NRF1: variants seen among roughly 807,000 people sequenced by gnomAD.
NRF1 encodes alpha palindromic-binding protein.
In NRF1, 5 loss-of-function variants were observed where a neutral mutation model predicts 58.5. That is an observed-to-expected ratio of 0.09 (90% CI 0.04 to 0.18). The LOEUF (loss-of-function observed/expected upper bound fraction) is 0.18. Among genes scored for constraint, NRF1 ranks in the 10% least tolerant of loss-of-function variants. The probability of loss-of-function intolerance (pLI) is 1.00; values close to 1 mark genes in which losing one functional copy is unlikely to be tolerated. For missense variants in NRF1, 288 were observed against 657.7 expected, an observed-to-expected ratio of 0.44 and a Z score of 6.15; for synonymous variants, 224 against 246.7, an observed-to-expected ratio of 0.91 and a Z score of 0.86.
At chr7:129,659,902 T>G (rs958689263) in intron 2 of NRF1, among the ~76,000 whole-genome samples, 2 of 152,124 alleles carry the variant, frequency 1.3e-5, no homozygotes, top group Non-Finnish European at 2.9e-5. Flanking sequence ...AGACAGAAGA[T>G]TTTCTTCTTT....
chr7:129,697,405 C>T lies in NRF1; in HGVS notation c.606+6859C>T, dbSNP rs556535535. On this transcript the variant is annotated intron_variant, in intron 5 of 10. Transcript: ENST00000393232. ...AAAAATTTAAAAAAAAAAATCAGCC[C>T]GGTGTGCTGGCACATGCCTGTAGTC... 1.5e-4 allele frequency among the ~76,000 whole-genome samples: 23 copies of T among 151,798 alleles called. No individual in the cohort carries two copies. In the South Asian group the frequency reaches 1.7e-3, roughly 11 times the overall value.
At chr7:129,635,520 A>G (rs549298380) in intron 1 of NRF1, among the ~76,000 whole-genome samples, 1 of 152,312 alleles carries the variant, frequency 6.6e-6, no homozygotes, top group East Asian at 1.9e-4. Context: ...CTGCAGCAGA[A>G]TATCAATAGA....
At chr7:129,675,675 T>C (rs1231476084) in intron 3 of NRF1, among the ~76,000 whole-genome samples, 2 of 152,198 alleles carry the variant, frequency 1.3e-5, no homozygotes, top group East Asian at 1.9e-4. Flanking sequence ...AATTTTTTTT[T>C]CTGAGCAGTG....
intron 5 of NRF1, among the ~76,000 whole-genome samples, chr7:129,706,631 TAAGTG>T (rs1244684385): frequency 6.6e-6 from 1 of 152,174 alleles, no homozygotes; most frequent in African/African-American, 2.4e-5. Flanking sequence ...GGTAGGAGTT[TAAGTG>T]AAGAGGCTGA....
intron 2 of NRF1, among the ~76,000 whole-genome samples, chr7:129,661,633 C>T (rs1013092850): frequency 2.0e-5 from 3 of 150,958 alleles, no homozygotes; most frequent in African/African-American, 5.0e-5. Context: ...CTTATTTCCA[C>T]CTGAGACCAC....
At chr7:129,613,193 C>T (rs912040098) in intron 1 of NRF1, among the ~76,000 whole-genome samples, 2 of 152,150 alleles carry the variant, frequency 1.3e-5, no homozygotes, top group Non-Finnish European at 2.9e-5. Flanking sequence ...ATCCTTTTTC[C>T]CATTCCATCT....
At chr7:129,701,052 T>C (rs1463497945) in intron 5 of NRF1, among the ~76,000 whole-genome samples, 1 of 152,204 alleles carries the variant, frequency 6.6e-6, no homozygotes, top group Non-Finnish European at 1.5e-5. Context: ...AAAATAGCCA[T>C]ATAAATTACT....
intron 1 of NRF1, among the ~76,000 whole-genome samples, chr7:129,643,019 A>G (rs943678136): frequency 6.6e-6 from 1 of 152,160 alleles, no homozygotes; most frequent in Non-Finnish European, 1.5e-5. Context: ...TAGAATTGCC[A>G]GTCATAGGTT....
intron 1 of NRF1, among the ~76,000 whole-genome samples, chr7:129,635,724 C>T (rs1213886432): frequency 6.6e-6 from 1 of 152,160 alleles, no homozygotes; most frequent in African/African-American, 2.4e-5. Flanking sequence ...GCCCACGTCT[C>T]CAGTGCCCCC....
chr7:129,743,728 A>T (rs1011710989), intron 10 of NRF1, among the ~76,000 whole-genome samples: 1 of 152,228 alleles, frequency 6.6e-6, no homozygotes, highest in Non-Finnish European at 1.5e-5. Context: ...TCTGTCACGC[A>T]GATTACTCGT....
intron 1 of NRF1, among the ~76,000 whole-genome samples, chr7:129,622,508 T>C (rs1458594673): frequency 6.6e-6 from 1 of 152,078 alleles, no homozygotes; most frequent in African/African-American, 2.4e-5. Context: ...AAATTAAAGA[T>C]AATTCTACAA....
At chr7:129,619,995 G>C (rs1440361083) in intron 1 of NRF1, among the ~76,000 whole-genome samples, 3 of 151,986 alleles carry the variant, frequency 2.0e-5, no homozygotes, top group African/African-American at 7.3e-5. Context: ...TCTGGGGAGA[G>C]GGTCCACAAC....
chr7:129,639,296 A>G (rs991754100), intron 1 of NRF1, among the ~76,000 whole-genome samples: 1 of 151,882 alleles, frequency 6.6e-6, no homozygotes. Context: ...CTGACAATTT[A>G]TGGGGATTTT....
At chr7:129,634,059 TATACACAC>T (rs1301352720) in intron 1 of NRF1, among the ~76,000 whole-genome samples, 1 of 124,824 alleles carries the variant, frequency 8.0e-6, no homozygotes, top group Non-Finnish European at 1.7e-5. Context: ...TATATATATA[TATACACAC>T]ACACACACAC....
intron 1 of NRF1, among the ~76,000 whole-genome samples, chr7:129,643,661 G>A (rs758899401): frequency 1.4e-4 from 21 of 152,230 alleles, no homozygotes; most frequent in South Asian, 6.2e-4. Flanking sequence ...TCTGGTAAGC[G>A]TCTACATATT....
In NRF1 at chr7:129,655,269, G is replaced by A. The variant is rs191924688; in HGVS notation, c.-6-2077G>A. 8.1e-4 allele frequency among the ~76,000 whole-genome samples: 123 copies of A among 152,048 alleles called. 1 individual carries two copies. Among genetic ancestry groups the A allele is most frequent in the Non-Finnish European group, 1.4e-3 (92 of 67,980 alleles). On this transcript the variant is annotated intron_variant, in intron 1 of 10. Transcript: ENST00000393232. The stretch of plus-strand genomic sequence containing the variant: ...TTCAGATTCCACTTATTCATTTCTA[G>A]TATTTAGGAAAACAACCTTGTCCCT...
At chr7:129,669,462 T>A (rs962095736) in intron 2 of NRF1, among the ~76,000 whole-genome samples, 1 of 152,192 alleles carries the variant, frequency 6.6e-6, no homozygotes, top group Non-Finnish European at 1.5e-5. Flanking sequence ...TGTGAGTTGA[T>A]GAATGGATAG....
intron 1 of NRF1, among the ~76,000 whole-genome samples, chr7:129,614,519 G>A (rs1032226114): frequency 4.7e-5 from 7 of 149,670 alleles, no homozygotes; most frequent in Admixed American, 4.0e-4. Context: ...ATCTTGCTAT[G>A]TTGCCTAAGC....
chr7:129,644,187 C>CT (rs1247407746), intron 1 of NRF1, among the ~76,000 whole-genome samples: 36 of 152,334 alleles, frequency 2.4e-4, no homozygotes, highest in African/African-American at 7.9e-4. Flanking sequence ...TTAATTCAGT[C>CT]TTTCAGTATA....
Sources: allele counts gnomAD v4.1 joint callset (sites outside exome capture counted in the v4.1 genomes callset), GRCh38; gene constraint gnomAD v4.1.1; transcripts MANE v1.5; gene names NCBI Gene and HGNC (gene_info 2026-07-23, HGNC 2026-07-21).